The following PCDH19 variants were observed in gnomAD, a reference collection of about 807,000 sequenced individuals.
PCDH19 encodes protocadherin 19.
Under a neutral mutation model 46.2 loss-of-function variants are expected in PCDH19, and 6 were observed. The observed-to-expected ratio is 0.13, with a 90% confidence interval of 0.07 to 0.26. The LOEUF is 0.26. Among genes scored for constraint, PCDH19 ranks in the 10% least tolerant of loss-of-function variants. The pLI is 1.00. For missense variants in PCDH19, 740 were observed against 972.3 expected, an observed-to-expected ratio of 0.76 and a Z score of 3.18; for synonymous variants, 481 against 415.7, an observed-to-expected ratio of 1.16 and a Z score of -1.91.
chrX:100,299,761 A>G (rs1294255300), intron 5 of PCDH19, among the ~76,000 whole-genome samples: 1 of 111,966 alleles, frequency 8.9e-6, no homozygotes, highest in Non-Finnish European at 1.9e-5. Context: ...CTCCCCACCA[A>G]GCTCACTGAG....
intron 5 of PCDH19, among the ~76,000 whole-genome samples, chrX:100,306,700 A>G (rs1012974774): frequency 2.7e-5 from 3 of 111,326 alleles, no homozygotes; most frequent in African/African-American, 9.8e-5. Context: ...AGATCCAAAT[A>G]AGCTCAATCA....
rs1472106205 is a variant in PCDH19, at chrX:100,353,585, G to C, written c.2617-2881C>G. Among the ~76,000 whole-genome samples the C allele has an allele frequency of 3.6e-5, 4 of 111,695 alleles. No individual in the cohort carries two copies. The South Asian group carries it at 1.1e-3, about 32-fold the overall frequency. On this transcript the variant is annotated intron_variant, in intron 3 of 5. Coordinates refer to ENST00000373034, the MANE Select transcript of PCDH19 (RefSeq NM_001184880.2). Reference sequence around the variant, plus strand: ...ATGAGGATTCCCACTCCCAGGCACTGAGTTGAGAAGAGACAAGTCTCGAGG... The same window carrying C: ...ATGAGGATTCCCACTCCCAGGCACTCAGTTGAGAAGAGACAAGTCTCGAGG...
chrX:100,324,029 G>A (rs770928884), intron 5 of PCDH19, among the ~76,000 whole-genome samples: 9 of 111,951 alleles, frequency 8.0e-5, no homozygotes, highest in Non-Finnish European at 1.1e-4. Flanking sequence ...TTGGCTTACA[G>A]TGTTAAGAGT....
At chrX:100,393,498 AC>A (rs1927923785) in intron 3 of PCDH19, among the ~76,000 whole-genome samples, 5 of 712 alleles carry the variant, frequency 7.0e-3, no homozygotes, top group African/African-American at 0.013. Context: ...ATACATACAT[AC>A]ACACACACAC....
At chrX:100,394,919 G>A (rs889919838) in intron 3 of PCDH19, among the ~76,000 whole-genome samples, 27 of 87,560 alleles carry the variant, frequency 3.1e-4, no homozygotes, top group African/African-American at 1.1e-3. Context: ...ACGGAGTCTC[G>A]CTCTGTCGCC....
rs186507024 is a variant in PCDH19, at chrX:100,377,020, A to G, written c.2616+25504T>C. On this transcript the variant is annotated intron_variant, in intron 3 of 5. Transcript: ENST00000373034. The stretch of plus-strand genomic sequence containing the variant: ...AATTGCACAGTATTTTGGTACCAAA[A>G]GAAATACAACAGAGATAGATCCTAG... Among the ~76,000 whole-genome samples, 4 of 112,522 alleles carry G rather than the reference A, an allele frequency of 3.6e-5. No individual in the cohort carries two copies. The East Asian group carries it at 1.1e-3, about 31-fold the overall frequency.
At chrX:100,352,702 T>C (rs1926605970) in intron 3 of PCDH19, among the ~76,000 whole-genome samples, 1 of 111,619 alleles carries the variant, frequency 9.0e-6, no homozygotes, top group Non-Finnish European at 1.9e-5. Context: ...CTCTCTCTCT[T>C]GCTGCTCCGG....
At chrX:100,377,499 G>T (rs1569306382) in intron 3 of PCDH19, among the ~76,000 whole-genome samples, 2 of 112,094 alleles carry the variant, frequency 1.8e-5, no homozygotes, top group Non-Finnish European at 3.8e-5. Flanking sequence ...GGATTATTCA[G>T]CACTCATTTT....
At chrX:100,366,132 G>A (rs1407164505) in intron 3 of PCDH19, among the ~76,000 whole-genome samples, 1 of 111,755 alleles carries the variant, frequency 8.9e-6, no homozygotes, top group African/African-American at 3.3e-5. Context: ...TGTGAAATAC[G>A]GCCTCATTCT....
At chrX:100,372,459 G>A (rs1323750264) in intron 3 of PCDH19, among the ~76,000 whole-genome samples, 1 of 111,934 alleles carries the variant, frequency 8.9e-6, no homozygotes, top group African/African-American at 3.2e-5. Flanking sequence ...AATAGAGGAA[G>A]CTACCTTCTG....
intron 5 of PCDH19, among the ~76,000 whole-genome samples, chrX:100,312,092 T>C (rs1925147353): frequency 1.0e-5 from 1 of 99,881 alleles, no homozygotes; most frequent in African/African-American, 3.3e-5. Context: ...GAAATCTTTT[T>C]TCCTAAAACA....
intron 5 of PCDH19, among the ~76,000 whole-genome samples, chrX:100,302,821 G>C (rs1459818042): frequency 1.8e-5 from 2 of 111,630 alleles, no homozygotes; most frequent in Non-Finnish European, 3.8e-5. Context: ...ACCTAGCAAA[G>C]CGTCCAGCAC....
At chrX:100,368,081 G>C in intron 3 of PCDH19, among the ~76,000 whole-genome samples, 1 of 111,841 alleles carries the variant, frequency 8.9e-6, no homozygotes, top group East Asian at 2.8e-4. Flanking sequence ...CTTCCGTAAA[G>C]TTTGGAAGAT....
At chrX:100,366,883 C>G (rs1927082183) in intron 3 of PCDH19, among the ~76,000 whole-genome samples, 1 of 111,769 alleles carries the variant, frequency 8.9e-6, no homozygotes, top group Non-Finnish European at 1.9e-5. Context: ...GCCCTACCAC[C>G]AAATAAGTCT....
chrX:100,325,153 ATAG>A (rs1925649370), intron 5 of PCDH19, among the ~76,000 whole-genome samples: 1 of 93,416 alleles, frequency 1.1e-5, no homozygotes, highest in Non-Finnish European at 2.2e-5. Flanking sequence ...AGATAGATAG[ATAG>A]ATAGATAGAT....
Position 100,408,099 on chromosome X carries a change from C to G in PCDH19, c.499G>C (p.Glu167Gln). 8.3e-7 allele frequency: 1 copy of G among 1,210,478 alleles called. No homozygotes were observed. The highest frequency in any genetic ancestry group is 1.1e-6 in the Non-Finnish European group (1 of 895,633). ...DSGSFGVQTY[E>Q]LTPNELFGLE... ...CCGAACAGCTCGTTGGGCGTGAGCTCGTAAGTCTGCACGCCAAAGCTTCCT... is the reference window on the plus strand; with the variant it reads ...CCGAACAGCTCGTTGGGCGTGAGCTGGTAAGTCTGCACGCCAAAGCTTCCT... The change falls in exon 1 of 6, where the codon GAG becomes CAG. Residue 167 changes from glutamate to glutamine, a missense_variant. This residue lies in a region of PCDH19 where 48 missense variants were observed against 43.2 expected (regional missense o/e 1.11). Transcript: ENST00000373034.
intron 3 of PCDH19, among the ~76,000 whole-genome samples, chrX:100,399,613 T>C (rs751515067): frequency 9.0e-6 from 1 of 111,378 alleles, no homozygotes; most frequent in Non-Finnish European, 1.9e-5. Flanking sequence ...AGAAGTGTCA[T>C]TTTCCCTACG....
intron 5 of PCDH19, among the ~76,000 whole-genome samples, chrX:100,316,119 T>A (rs913491935): frequency 2.7e-5 from 3 of 112,064 alleles, no homozygotes; most frequent in Non-Finnish European, 3.8e-5. Flanking sequence ...CAGTAATTTA[T>A]TGAATTTTCC....
intron 3 of PCDH19, among the ~76,000 whole-genome samples, chrX:100,370,308 A>G (rs1927180254): frequency 8.9e-6 from 1 of 112,264 alleles, no homozygotes. Flanking sequence ...CATCATACAT[A>G]AAGGCAGAAA....
Sources: gnomAD v4.1 joint callset for allele counts (sites outside exome capture counted in the v4.1 genomes callset) on GRCh38, gnomAD v4.1.1 for gene constraint, gnomAD v4.1.1 regional missense constraint, MANE v1.5 for transcripts, NCBI Gene and HGNC (gene_info 2026-07-23, HGNC 2026-07-21) for gene names.